SLCO3A1: variants seen among roughly 807,000 people sequenced by gnomAD.
SLCO3A1 encodes the protein PGE1 transporter.
In SLCO3A1, 27 loss-of-function variants were observed where a neutral mutation model predicts 63.1. The observed-to-expected ratio is 0.43, with a 90% CI of 0.32 to 0.59. The LOEUF is 0.59. SLCO3A1 is among the 20% of genes least tolerant of loss of function. The pLI is 0.09. For missense variants in SLCO3A1, 773 were observed against 945.8 expected (o/e 0.82, Z 2.40); for synonymous variants, 473 against 409.9 (o/e 1.15, Z -1.86).
chr15:92,026,180 A>T (rs1278597723), intron 2 of SLCO3A1, among the ~76,000 whole-genome samples: 1 of 152,052 alleles, frequency 6.6e-6, no homozygotes, highest in East Asian at 1.9e-4. Flanking sequence ...GTAACTCCTT[A>T]ACTGTCGTTA....
chr15:92,142,859 C>T (rs1236734854), intron 7 of SLCO3A1, among the ~76,000 whole-genome samples: 1 of 152,104 alleles, frequency 6.6e-6, no homozygotes, highest in Non-Finnish European at 1.5e-5. Flanking sequence ...AGGCCAGTTT[C>T]CTCTTTTATG....
In SLCO3A1 at chr15:91,872,362, C is replaced by T. The variant is rs1216032847; in HGVS notation, c.180+18274C>T. Among the ~76,000 whole-genome samples the T allele has an allele frequency of 6.6e-6, 1 of 152,048 alleles. No homozygotes were observed. The highest frequency in any genetic ancestry group is 6.6e-5 in the Admixed American group (1 of 15,266). ...CCTGGCCAACGTGGTGAAACCCCTTCTCTACTAAAAATACAAAAAAATAGC... is the reference window on the plus strand; with the variant it reads ...CCTGGCCAACGTGGTGAAACCCCTTTTCTACTAAAAATACAAAAAAATAGC... On this transcript the variant is annotated intron_variant, in intron 1 of 9. Coordinates refer to ENST00000318445, the MANE Select transcript of SLCO3A1 (RefSeq NM_013272.4). The surrounding 1 kb of genome is among the most constrained non-coding windows in gnomAD (Gnocchi z 4.1).
At chr15:91,939,966 C>G (rs1433466338) in intron 2 of SLCO3A1, among the ~76,000 whole-genome samples, 1 of 152,140 alleles carries the variant, frequency 6.6e-6, no homozygotes, top group Admixed American at 6.5e-5. Context: ...AGTAGCAGTC[C>G]AACCTTGAAC....
rs190125942 is a variant in SLCO3A1 at position 92,111,357 on chromosome 15, G to A, written c.1009+6815G>A. Among the ~76,000 whole-genome samples the A allele has an allele frequency of 2.0e-5, 3 of 152,282 alleles. 1 individual carries two copies. The East Asian group carries it at 5.8e-4, about 29-fold the overall frequency. On this transcript the variant is annotated intron_variant, in intron 4 of 9. Coordinates refer to ENST00000318445, the MANE Select transcript of SLCO3A1 (RefSeq NM_013272.4). ...TCATGAGGAGCCTGGTGATCTGAGA[G>A]TCCTTGTTCTGCCGGTAACCAGCTG...
chr15:92,072,881 G>A (rs1330855574), intron 2 of SLCO3A1, among the ~76,000 whole-genome samples: 1 of 152,110 alleles, frequency 6.6e-6, no homozygotes, highest in Non-Finnish European at 1.5e-5. Flanking sequence ...TCCAAATAAG[G>A]TCTCATTCAC....
chr15:91,997,610 G>A (rs72755636), intron 2 of SLCO3A1, among the ~76,000 whole-genome samples: 5,745 of 152,234 alleles, frequency 0.038, 160 homozygotes, highest in Non-Finnish European at 0.052. Context: ...TTTAAACTAT[G>A]CTATAAAGAC....
In SLCO3A1 at chr15:91,865,686, GTC is replaced by G. The variant is rs1166700843; in HGVS notation, c.180+11608_180+11609del. 6.6e-6 allele frequency among the ~76,000 whole-genome samples: 1 copy of G among 152,060 alleles called. No individual in the cohort carries two copies. Among genetic ancestry groups the G allele is most frequent in the Non-Finnish European group, 1.5e-5 (1 of 68,026 alleles). ...TGCTGTCACATGGTGTTTCCCCCGC[GTC>G]TCTCTCTCTTCTTCTTCTAAGGACA... On this transcript the variant is annotated intron_variant, in intron 1 of 9. Transcript: ENST00000318445. The surrounding 1 kb of genome is among the most constrained non-coding windows in gnomAD (Gnocchi z 4.6).
chr15:91,862,307 C>A lies in SLCO3A1; in HGVS notation c.180+8219C>A, dbSNP rs1897068203. ...TAGCTGGGACTACAGGCGCGTACCA[C>A]CACTCGGCTAATTTTTTGTATTTTT... On this transcript the variant is annotated intron_variant, in intron 1 of 9. Transcript: ENST00000318445. The surrounding 1 kb of genome is among the most constrained non-coding windows in gnomAD (Gnocchi z 4.0). 6.6e-6 allele frequency among the ~76,000 whole-genome samples: 1 copy of A among 152,080 alleles called. No homozygotes were observed.
intron 2 of SLCO3A1, among the ~76,000 whole-genome samples, chr15:92,068,823 A>G (rs1413473566): frequency 6.6e-6 from 1 of 152,192 alleles, no homozygotes; most frequent in African/African-American, 2.4e-5. Context: ...CCACTCACGC[A>G]GGCTTTGGAC....
rs11854172 is a variant in SLCO3A1 at position 91,881,311 on chromosome 15, G to T, written c.180+27223G>T. On this transcript the variant is annotated intron_variant, in intron 1 of 9. Transcript: ENST00000318445. ...CCACCTTTTTTTTTTTTAAATGCTC[G>T]GGGATTTTCTAACTGGTCATGTGAC... Among the ~76,000 whole-genome samples, 413 of 151,016 alleles carry T rather than the reference G, an allele frequency of 2.7e-3. 1 individual carries two copies. The highest frequency in any genetic ancestry group is 8.1e-3 in the South Asian group (39 of 4,796).
intron 7 of SLCO3A1, among the ~76,000 whole-genome samples, chr15:92,139,607 G>C (rs539399135): frequency 2.0e-5 from 3 of 152,116 alleles, no homozygotes; most frequent in East Asian, 3.9e-4. Flanking sequence ...ATCTGGTTCT[G>C]GACTCTTTTT....
At position 91,860,903 on chromosome 15, in the gene SLCO3A1, G is replaced by A. The variant is rs538895313; in HGVS notation, c.180+6815G>A. Among the ~76,000 whole-genome samples the A allele has an allele frequency of 1.3e-5, 2 of 152,132 alleles. No individual in the cohort carries two copies. The highest frequency in any genetic ancestry group is 2.1e-4 in the South Asian group (1 of 4,832). On this transcript the variant is annotated intron_variant, in intron 1 of 9. Transcript: ENST00000318445. The surrounding 1 kb of genome is among the most constrained non-coding windows in gnomAD (Gnocchi z 5.5). ...TTCTCATAAGCAGAACAATGGACCT[G>A]TTCCTGCAACCTGGTTTCCCATCCC...
Position 91,912,539 on chromosome 15 carries a change from C to T in SLCO3A1, c.181-3454C>T, listed in dbSNP as rs988306560. Among the ~76,000 whole-genome samples, 2 of 152,314 alleles carry T rather than the reference C, an allele frequency of 1.3e-5. No homozygotes were observed. Among genetic ancestry groups the T allele is most frequent in the East Asian group, 1.9e-4 (1 of 5,188 alleles). On this transcript the variant is annotated intron_variant, in intron 1 of 9. Transcript: ENST00000318445. This position sits in a 1 kb window ranked among gnomAD's most constrained non-coding sequence, Gnocchi z 5.0. The stretch of plus-strand genomic sequence containing the variant: ...GTTTTGCCCACAGCTGTCTCTGTCC[C>T]AATCACCCTTATCTGTCATCAATGT...
chr15:92,034,071 G>A (rs1431059169), intron 2 of SLCO3A1, among the ~76,000 whole-genome samples: 1 of 146,852 alleles, frequency 6.8e-6, no homozygotes, highest in Non-Finnish European at 1.6e-5. Context: ...GCAGGGTGCT[G>A]AGCAGAGAAG....
In SLCO3A1 at chr15:92,137,703, T is replaced by C. The variant is rs1567139239; in HGVS notation, c.1512+9214T>C. On this transcript the variant is annotated intron_variant, in intron 7 of 9. Coordinates refer to ENST00000318445, the MANE Select transcript of SLCO3A1 (RefSeq NM_013272.4). Reference sequence around the variant, plus strand: ...AGATGGTATCTCATTGTGGTTTTGATTTGCATTTCTCTGATGGCCAGTGAT... The same window carrying C: ...AGATGGTATCTCATTGTGGTTTTGACTTGCATTTCTCTGATGGCCAGTGAT... Among the ~76,000 whole-genome samples, 2 of 106,992 alleles carry C rather than the reference T, an allele frequency of 1.9e-5. 1 individual carries two copies. Among genetic ancestry groups the C allele is most frequent in the Non-Finnish European group, 3.6e-5 (2 of 55,912 alleles). 70.2% of individuals were successfully genotyped at this position (106,992 alleles called of 152,430 possible). A position where few individuals can be genotyped will look rare whatever the true frequency, so the allele number is the denominator to read the frequency against.
chr15:92,004,014 G>C (rs1289754867), intron 2 of SLCO3A1, among the ~76,000 whole-genome samples: 2 of 152,222 alleles, frequency 1.3e-5, no homozygotes, highest in Admixed American at 1.3e-4. Context: ...GTGCAAAATA[G>C]GTTGGTGCCT....
intron 2 of SLCO3A1, among the ~76,000 whole-genome samples, chr15:91,943,758 C>G (rs562103626): frequency 1.3e-5 from 2 of 152,312 alleles, no homozygotes; most frequent in East Asian, 1.9e-4. Flanking sequence ...CCAGAGGACA[C>G]AGAATGGCCT....
At chr15:92,006,548 T>C (rs927977951) in intron 2 of SLCO3A1, among the ~76,000 whole-genome samples, 1 of 152,220 alleles carries the variant, frequency 6.6e-6, no homozygotes, top group Non-Finnish European at 1.5e-5. Context: ...TACTTTGATC[T>C]GGCATATGTC....
chr15:91,996,208 G>A (rs1407759057), intron 2 of SLCO3A1, among the ~76,000 whole-genome samples: 1 of 151,996 alleles, frequency 6.6e-6, no homozygotes, highest in East Asian at 1.9e-4. Flanking sequence ...AAAATAAGTG[G>A]CAAATGAAAA....
Sources: gnomAD v4.1 joint callset for allele counts (sites outside exome capture counted in the v4.1 genomes callset) on GRCh38, gnomAD v4.1.1 for gene constraint, Gnocchi (gnomAD v3.1) non-coding constraint, MANE v1.5 for transcripts, NCBI Gene and HGNC (gene_info 2026-07-23, HGNC 2026-07-21) for gene names.